ADGRL3: variants seen among roughly 807,000 people sequenced by gnomAD.
ADGRL3 encodes calcium-independent alpha-latrotoxin receptor 3.
In ADGRL3, 62 loss-of-function variants were observed where a neutral mutation model predicts 153.5. That is an observed-to-expected ratio of 0.40 (90% CI 0.33 to 0.50). The LOEUF is 0.50. Ranked by LOEUF, ADGRL3 falls within the 20% of genes least tolerant of loss-of-function variation. The probability of loss-of-function intolerance (pLI) is 0.47; values close to 1 mark genes in which losing one functional copy is unlikely to be tolerated. For synonymous variants in ADGRL3, 710 were observed against 672.5 expected (o/e 1.06, Z -0.86); for missense variants, 1,641 against 1,859.4 (o/e 0.88, Z 2.16).
intron 1 of ADGRL3, among the ~76,000 whole-genome samples, chr4:61,317,455 C>T (rs2095249035): frequency 6.6e-6 from 1 of 152,138 alleles, no homozygotes; most frequent in Non-Finnish European, 1.5e-5. Context: ...AGAGTACATT[C>T]ATTATGTACT....
intron 17 of ADGRL3, among the ~76,000 whole-genome samples, chr4:61,963,658 C>T (rs2098996404): frequency 6.6e-6 from 1 of 151,984 alleles, no homozygotes; most frequent in African/African-American, 2.4e-5. Context: ...TTTTCTGGTC[C>T]ACCATTAATG....
At chr4:61,421,001 T>C (rs2097199722) in intron 2 of ADGRL3, among the ~76,000 whole-genome samples, 1 of 152,122 alleles carries the variant, frequency 6.6e-6, no homozygotes, top group South Asian at 2.1e-4. Flanking sequence ...AATACTTGTC[T>C]GTATTTTCTA....
chr4:61,926,901 G>A lies in ADGRL3; in HGVS notation c.2113-7939G>A, dbSNP rs142277316. On this transcript the variant is annotated intron_variant, in intron 13 of 26. Coordinates refer to ENST00000683033, the MANE Select transcript of ADGRL3 (RefSeq NM_001387552.1). ...CTCTACCATAAGGAATTTGTTTTCA[G>A]TTTCTTTGCAGTGCCTATTCTCTTT... 1.8e-4 allele frequency among the ~76,000 whole-genome samples: 28 copies of A among 152,222 alleles called. 2 individuals carry two copies. The East Asian group carries it at 5.4e-3, about 29-fold the overall frequency.
chr4:61,600,514 G>C, intron 5 of ADGRL3, among the ~76,000 whole-genome samples: 1 of 151,978 alleles, frequency 6.6e-6, no homozygotes, highest in East Asian at 1.9e-4. Context: ...TTTACAATAG[G>C]CTTTGGTTTG....
intron 8 of ADGRL3, among the ~76,000 whole-genome samples, chr4:61,745,779 G>A (rs57721996): frequency 0.086 from 13,114 of 151,996 alleles, 1,193 homozygotes; most frequent in African/African-American, 0.23. Flanking sequence ...AGACCATCGA[G>A]GCTAGGAATA....
intron 1 of ADGRL3, among the ~76,000 whole-genome samples, chr4:61,360,797 A>G (rs923623664): frequency 1.3e-5 from 2 of 152,172 alleles, no homozygotes; most frequent in African/African-American, 4.8e-5. Flanking sequence ...TGTATGGTGT[A>G]CTCTCAAATA....
intron 4 of ADGRL3, among the ~76,000 whole-genome samples, chr4:61,583,498 G>A (rs1306355762): frequency 2.6e-5 from 4 of 152,096 alleles, no homozygotes; most frequent in African/African-American, 9.7e-5. Context: ...CGGAAAACAA[G>A]TGAGCAAGAA....
At chr4:61,767,831 G>T (rs2097017782) in intron 8 of ADGRL3, among the ~76,000 whole-genome samples, 2 of 152,262 alleles carry the variant, frequency 1.3e-5, no homozygotes, top group Non-Finnish European at 2.9e-5. Flanking sequence ...GTGTGCTGGA[G>T]ATGTGGCTGA....
intron 23 of ADGRL3, among the ~76,000 whole-genome samples, chr4:62,036,816 G>C (rs534607716): frequency 5.5e-4 from 83 of 152,014 alleles, no homozygotes; most frequent in African/African-American, 1.9e-3. Context: ...GATATAATAA[G>C]ATGTCCCTTT....
At chr4:61,474,593 A>G (rs2152701151) in intron 2 of ADGRL3, among the ~76,000 whole-genome samples, 1 of 152,292 alleles carries the variant, frequency 6.6e-6, no homozygotes, top group South Asian at 2.1e-4. Context: ...TTATCTAACA[A>G]TAAGGAAGAG....
At chr4:61,814,765 T>C (rs1452842567) in intron 9 of ADGRL3, among the ~76,000 whole-genome samples, 1 of 152,178 alleles carries the variant, frequency 6.6e-6, no homozygotes, top group Non-Finnish European at 1.5e-5. Flanking sequence ...CACCAACATT[T>C]CAAGGCCCTC....
intron 4 of ADGRL3, among the ~76,000 whole-genome samples, chr4:61,535,290 C>A (rs896693313): frequency 2.6e-5 from 4 of 151,752 alleles, no homozygotes; most frequent in African/African-American, 9.7e-5. Flanking sequence ...GGAATAAGAC[C>A]CATTTGATCG....
In ADGRL3 at chr4:61,957,905, ACT is replaced by A. The variant is rs200272975; in HGVS notation, c.2805+9632_2805+9633del. Among the ~76,000 whole-genome samples the A allele has an allele frequency of 1.9e-3, 288 of 152,008 alleles. 3 individuals carry two copies. The East Asian group carries it at 0.028, about 15-fold the overall frequency. ...TACATGCTGTCTGCCAATAAAACAC[ACT>A]CTGCCTCTTGCTTTCTATAAAAAAA... On this transcript the variant is annotated intron_variant, in intron 17 of 26. Coordinates refer to ENST00000683033, the MANE Select transcript of ADGRL3 (RefSeq NM_001387552.1).
intron 1 of ADGRL3, among the ~76,000 whole-genome samples, chr4:61,373,456 C>T (rs1003085127): frequency 6.6e-6 from 1 of 152,044 alleles, no homozygotes; most frequent in African/African-American, 2.4e-5. Flanking sequence ...GAGAATTTAA[C>T]TTTCATTGTT....
At chr4:61,527,131 T>C (rs2098568859) in intron 4 of ADGRL3, among the ~76,000 whole-genome samples, 1 of 152,082 alleles carries the variant, frequency 6.6e-6, no homozygotes, top group Non-Finnish European at 1.5e-5. Context: ...AATTTAAAAA[T>C]ATCAGGAATT....
At chr4:61,894,210 T>G (rs1464132920) in intron 10 of ADGRL3, among the ~76,000 whole-genome samples, 1 of 152,132 alleles carries the variant, frequency 6.6e-6, no homozygotes, top group African/African-American at 2.4e-5. Context: ...TCATCCAGCA[T>G]TCTCAGGGAC....
intron 9 of ADGRL3, among the ~76,000 whole-genome samples, chr4:61,856,991 T>C (rs1416371904): frequency 2.9e-5 from 4 of 139,376 alleles, no homozygotes; most frequent in African/African-American, 1.1e-4. Flanking sequence ...TTTCTTTCTT[T>C]CTTTCTTTCT....
At chr4:61,863,109 A>G (rs1182866096) in intron 9 of ADGRL3, among the ~76,000 whole-genome samples, 1 of 152,172 alleles carries the variant, frequency 6.6e-6, no homozygotes, top group Non-Finnish European at 1.5e-5. Flanking sequence ...AACCAGATGA[A>G]CAATGTGATC....
At chr4:61,660,866 G>T (rs1455693855) in intron 5 of ADGRL3, among the ~76,000 whole-genome samples, 1 of 151,982 alleles carries the variant, frequency 6.6e-6, no homozygotes, top group Non-Finnish European at 1.5e-5. Flanking sequence ...ATTTTACTTA[G>T]AATCTAAATT....
Sources: gnomAD v4.1 joint callset for allele counts (sites outside exome capture counted in the v4.1 genomes callset) on GRCh38, gnomAD v4.1.1 for gene constraint, MANE v1.5 for transcripts, NCBI Gene and HGNC (gene_info 2026-07-23, HGNC 2026-07-21) for gene names.